The following LINGO2 variants were observed in gnomAD, a reference collection of about 807,000 sequenced individuals.
LINGO2 encodes leucine rich repeat and Ig domain containing 2.
In LINGO2, 14 loss-of-function variants were observed where a neutral mutation model predicts 30.6. The observed-to-expected ratio is 0.46, with a 90% CI of 0.30 to 0.72. The LOEUF is 0.72. LINGO2 is among the 30% of genes least tolerant of loss of function. LINGO2 has a pLI of 0.07. For synonymous variants in LINGO2, 317 were observed against 288.5 expected, an observed-to-expected ratio of 1.10 and a Z score of -1.00; for missense variants, 729 against 751.7, an observed-to-expected ratio of 0.97 and a Z score of 0.35.
intron 4 of LINGO2, among the ~76,000 whole-genome samples, chr9:28,036,012 A>G (rs1260390133): frequency 1.3e-5 from 2 of 152,214 alleles, no homozygotes; most frequent in African/African-American, 2.4e-5. Flanking sequence ...GGAATAGTAG[A>G]TAGGAATATA....
the LINGO2 span, among the ~76,000 whole-genome samples, chr9:28,773,033 T>C: frequency 6.6e-6 from 1 of 152,050 alleles, no homozygotes; most frequent in South Asian, 2.1e-4. Flanking sequence ...AAAAGTGAAA[T>C]GCTCAGTTAG....
At chr9:28,016,383 T>C (rs1337836712) in intron 4 of LINGO2, among the ~76,000 whole-genome samples, 1 of 152,134 alleles carries the variant, frequency 6.6e-6, no homozygotes, top group Non-Finnish European at 1.5e-5. Flanking sequence ...TTCTAGGATA[T>C]TTTTATCCCC....
chr9:28,271,436 T>C (rs1005586268), intron 4 of LINGO2, among the ~76,000 whole-genome samples: 5 of 151,160 alleles, frequency 3.3e-5, no homozygotes, highest in Admixed American at 2.6e-4. Context: ...TTGTAAATAA[T>C]TAAGAAGTAA....
the LINGO2 span, among the ~76,000 whole-genome samples, chr9:28,768,475 T>A: frequency 3.3e-5 from 5 of 152,112 alleles, no homozygotes; most frequent in African/African-American, 1.2e-4. Flanking sequence ...TGACCCAGAC[T>A]CAAGATGAAT....
the LINGO2 span, among the ~76,000 whole-genome samples, chr9:29,038,371 G>A: frequency 6.6e-6 from 1 of 151,904 alleles, no homozygotes; most frequent in African/African-American, 2.4e-5. Context: ...TCTTATGTTT[G>A]TTGGCCATTT....
At chr9:27,957,357 A>G (rs922771136) in intron 5 of LINGO2, among the ~76,000 whole-genome samples, 1 of 152,138 alleles carries the variant, frequency 6.6e-6, no homozygotes. Context: ...GAGGTGGCGC[A>G]ATCTTGGCTC....
chr9:28,668,611 G>A (rs1346895619), intron 1 of LINGO2, among the ~76,000 whole-genome samples: 1 of 151,652 alleles, frequency 6.6e-6, no homozygotes, highest in Non-Finnish European at 1.5e-5. Flanking sequence ...TGTCCATTGG[G>A]TTCACAATCA....
At chr9:28,884,213 T>A in the LINGO2 span, among the ~76,000 whole-genome samples, 1 of 152,100 alleles carries the variant, frequency 6.6e-6, no homozygotes, top group East Asian at 1.9e-4. Flanking sequence ...TTTGAAAATA[T>A]TTTTTTCTCC....
intron 4 of LINGO2, among the ~76,000 whole-genome samples, chr9:28,202,399 T>C (rs1277721361): frequency 6.6e-6 from 1 of 152,078 alleles, no homozygotes; most frequent in Non-Finnish European, 1.5e-5. Context: ...AGCTATCCAC[T>C]CTTTGAAAAC....
intron 2 of LINGO2, among the ~76,000 whole-genome samples, chr9:28,383,588 T>C (rs1361561516): frequency 1.3e-5 from 2 of 151,962 alleles, no homozygotes; most frequent in African/African-American, 4.8e-5. Flanking sequence ...AAGCCATAAA[T>C]ATATACAGGA....
intron 4 of LINGO2, among the ~76,000 whole-genome samples, chr9:28,187,223 G>T (rs1819572186): frequency 6.6e-6 from 1 of 152,124 alleles, no homozygotes; most frequent in South Asian, 2.1e-4. Context: ...AGGCGCAGTG[G>T]CTCACACATG....
chr9:29,065,296 T>C, the LINGO2 span, among the ~76,000 whole-genome samples: 2 of 152,172 alleles, frequency 1.3e-5, no homozygotes, highest in Non-Finnish European at 2.9e-5. Context: ...TTGTCAATTT[T>C]TGTTTTTGTT....
the LINGO2 span, among the ~76,000 whole-genome samples, chr9:28,741,808 C>G: frequency 5.3e-4 from 81 of 151,940 alleles, no homozygotes; most frequent in Non-Finnish European, 5.0e-4. Context: ...GTGTGCTGCC[C>G]TGATGAGTAG....
intron 4 of LINGO2, among the ~76,000 whole-genome samples, chr9:28,036,773 G>C (rs1199993579): frequency 2.0e-5 from 3 of 152,036 alleles, no homozygotes; most frequent in African/African-American, 7.3e-5. Flanking sequence ...TAAGATAAGA[G>C]ACAATTAGGA....
the LINGO2 span, among the ~76,000 whole-genome samples, chr9:28,869,531 C>T: frequency 6.6e-6 from 1 of 151,964 alleles, no homozygotes; most frequent in African/African-American, 2.4e-5. Flanking sequence ...TTAGGAACTA[C>T]ATGTTAAATT....
chr9:28,322,106 T>A (rs1028610879), intron 3 of LINGO2, among the ~76,000 whole-genome samples: 1 of 152,204 alleles, frequency 6.6e-6, no homozygotes, highest in African/African-American at 2.4e-5. Context: ...CCTTACACAC[T>A]AACCTTGAGA....
intron 2 of LINGO2, among the ~76,000 whole-genome samples, chr9:28,453,444 G>A (rs2135083120): frequency 6.6e-6 from 1 of 151,906 alleles, no homozygotes. Context: ...TGTTTTGCTT[G>A]ACAGTAAAAT....
chr9:28,391,390 C>T (rs1821823202), intron 2 of LINGO2, among the ~76,000 whole-genome samples: 3 of 152,162 alleles, frequency 2.0e-5, no homozygotes, highest in South Asian at 4.1e-4. Flanking sequence ...CACCTTATTA[C>T]TTATAAACTC....
At chr9:28,856,265 T>C in the LINGO2 span, among the ~76,000 whole-genome samples, 4 of 152,176 alleles carry the variant, frequency 2.6e-5, no homozygotes, top group East Asian at 7.7e-4. Context: ...TGATCTTCTT[T>C]TCATAATACG....
Sources: gnomAD v4.1 joint callset for allele counts (sites outside exome capture counted in the v4.1 genomes callset) on GRCh38, gnomAD v4.1.1 for gene constraint, MANE v1.5 for transcripts, NCBI Gene and HGNC (gene_info 2026-07-23, HGNC 2026-07-21) for gene names.